Variants in AXDND1 observed in about 807,000 individuals in gnomAD.
AXDND1 encodes the protein axonemal dynein light chain domain-containing protein 1.
In AXDND1, 110 loss-of-function variants were observed where a neutral mutation model predicts 137.5. That is an observed-to-expected ratio of 0.80 (90% CI 0.69 to 0.94). The LOEUF is 0.94. Ranked by LOEUF, AXDND1 falls within the 40% of genes least tolerant of loss-of-function variation. The probability of loss-of-function intolerance (pLI) is 0.00; values close to 1 mark genes in which losing one functional copy is unlikely to be tolerated. For synonymous variants in AXDND1, 414 were observed against 399.7 expected (o/e 1.04, Z -0.43); for missense variants, 1,191 against 1,169.8 (o/e 1.02, Z -0.26).
Position 179,378,710 on chromosome 1 carries a change from T to G in AXDND1, c.448T>G (p.Leu150Val), listed in dbSNP as rs150327590. 123 of 1,596,514 alleles carry G rather than the reference T, an allele frequency of 7.7e-5. No individual in the cohort carries two copies. The highest frequency in any genetic ancestry group is 2.5e-5 in the Non-Finnish European group (29 of 1,170,128). Reference sequence around the variant, plus strand: ...GGAGAAGGCAGTTTGTCCCCCACATTTGGCCCGTTCATTACAGTCACATGA... The same window carrying G: ...GGAGAAGGCAGTTTGTCCCCCACATGTGGCCCGTTCATTACAGTCACATGA... ...TREKAVCPPH[L>V]ARSLQSHDGV... Residue 150 changes from leucine to valine, a missense_variant, in exon 5 of 26, where the codon TTG (leucine) becomes GTG (valine). By Grantham distance (32) the Leu-to-Val change is conservative. Coordinates refer to ENST00000367618, the MANE Select transcript of AXDND1 (RefSeq NM_144696.6).
At chr1:179,464,933 C>T (rs1473522050) in intron 16 of AXDND1, among the ~76,000 whole-genome samples, 2 of 152,140 alleles carry the variant, frequency 1.3e-5, no homozygotes, top group African/African-American at 4.8e-5. Flanking sequence ...GCATGCATCA[C>T]GTAGTTCTTA....
chr1:179,482,401 C>G (rs1237043417), intron 17 of AXDND1, among the ~76,000 whole-genome samples: 1 of 152,088 alleles, frequency 6.6e-6, no homozygotes. Flanking sequence ...AAGACAACCC[C>G]TACTTGTTAC....
intron 19 of AXDND1, 105 bp downstream of exon 19, chr1:179,491,842 A>G (rs971093509): frequency 1.0e-6 from 1 of 1,004,372 alleles, no homozygotes; most frequent in African/African-American, 1.7e-5. Context: ...AAAACCTTGA[A>G]AGAAATACTA....
At chr1:179,443,663 T>C (rs577188490) in intron 15 of AXDND1, among the ~76,000 whole-genome samples, 41 of 152,324 alleles carry the variant, frequency 2.7e-4, no homozygotes, top group Non-Finnish European at 3.4e-4. Context: ...TATTTTACTT[T>C]TGTGAGTAGC....
chr1:179,482,694 G>A (rs929621448), intron 17 of AXDND1, among the ~76,000 whole-genome samples: 3 of 151,792 alleles, frequency 2.0e-5, no homozygotes, highest in Non-Finnish European at 2.9e-5. Context: ...GCTTTAAGTG[G>A]TGTATTTAAA....
intron 21 of AXDND1, among the ~76,000 whole-genome samples, chr1:179,515,873 A>G (rs1355449754): frequency 1.3e-5 from 2 of 152,246 alleles, no homozygotes; most frequent in Admixed American, 6.5e-5. Flanking sequence ...ATAAGATAGC[A>G]GTCCCATAAG....
chr1:179,484,711 G>A (rs1665826709), intron 18 of AXDND1, among the ~76,000 whole-genome samples: 1 of 152,170 alleles, frequency 6.6e-6, no homozygotes, highest in Non-Finnish European at 1.5e-5. Context: ...TAGTGTGGTT[G>A]CATGTATTCA....
intron 6 of AXDND1, among the ~76,000 whole-genome samples, chr1:179,380,524 A>G (rs912651265): frequency 7.9e-5 from 12 of 152,154 alleles, no homozygotes; most frequent in Admixed American, 1.3e-4. Context: ...TTGCAGACTC[A>G]TTATCTTGTC....
intron 21 of AXDND1, among the ~76,000 whole-genome samples, chr1:179,524,586 TA>T (rs1466421636): frequency 6.6e-6 from 1 of 152,216 alleles, no homozygotes; most frequent in Non-Finnish European, 1.5e-5. Context: ...GTCATCTCTC[TA>T]GTGGTCTAAA....
chr1:179,553,997 C>T (rs1673701995), intron 25 of AXDND1, among the ~76,000 whole-genome samples: 1 of 150,764 alleles, frequency 6.6e-6, no homozygotes, highest in Non-Finnish European at 1.5e-5. Flanking sequence ...ACTGAAACCT[C>T]TGCCTCTCGG....
At chr1:179,399,372 C>A (rs751010289) in intron 11 of AXDND1, among the ~76,000 whole-genome samples, 1 of 152,108 alleles carries the variant, frequency 6.6e-6, no homozygotes, top group Non-Finnish European at 1.5e-5. Flanking sequence ...ATTGGCTAAC[C>A]GCATGTAGGA....
chr1:179,448,455 C>A, intron 16 of AXDND1: 2 of 508,870 alleles, frequency 3.9e-6, no homozygotes, highest in South Asian at 4.2e-5. Context: ...AGCCACCTTT[C>A]CTTATTTCCT....
chr1:179,480,678 G>T (rs1037792431), intron 17 of AXDND1, among the ~76,000 whole-genome samples: 2 of 151,840 alleles, frequency 1.3e-5, no homozygotes, highest in Admixed American at 6.6e-5. Flanking sequence ...TTTGGTTTTT[G>T]GATACTGGAC....
At chr1:179,518,859 T>G (rs1170325832) in intron 21 of AXDND1, among the ~76,000 whole-genome samples, 1 of 152,236 alleles carries the variant, frequency 6.6e-6, no homozygotes, top group Non-Finnish European at 1.5e-5. Context: ...TATGCATGCA[T>G]GTGTCTTTAT....
chr1:179,487,815 G>C (rs1360579553), intron 18 of AXDND1, among the ~76,000 whole-genome samples: 1 of 147,826 alleles, frequency 6.8e-6, no homozygotes, highest in Non-Finnish European at 1.5e-5. Flanking sequence ...GGTCAACACA[G>C]TGAGAACTCA....
At chr1:179,380,306 A>C (rs1404206579) in intron 6 of AXDND1, among the ~76,000 whole-genome samples, 1 of 134,062 alleles carries the variant, frequency 7.5e-6, no homozygotes, top group Admixed American at 7.8e-5. Flanking sequence ...TAAAAACTAA[A>C]AGTACTTAAA....
intron 25 of AXDND1, among the ~76,000 whole-genome samples, chr1:179,537,649 A>G (rs1022948015): frequency 2.0e-5 from 3 of 152,166 alleles, no homozygotes; most frequent in Non-Finnish European, 4.4e-5. Context: ...TTGGTCAAAA[A>G]TTCTCTTTTT....
intron 16 of AXDND1, among the ~76,000 whole-genome samples, chr1:179,460,934 G>A (rs931063489): frequency 6.6e-6 from 1 of 152,070 alleles, no homozygotes; most frequent in African/African-American, 2.4e-5. Flanking sequence ...TAAGTTCTTT[G>A]TGGACTCTGA....
At chr1:179,431,613 A>C (rs1428008840) in intron 14 of AXDND1, among the ~76,000 whole-genome samples, 1 of 149,498 alleles carries the variant, frequency 6.7e-6, no homozygotes, top group African/African-American at 2.5e-5. Context: ...TAGCATTTCC[A>C]TTTCAAATTG....
Sources: gnomAD v4.1 joint callset for allele counts (sites outside exome capture counted in the v4.1 genomes callset) on GRCh38, gnomAD v4.1.1 for gene constraint, MANE v1.5 for transcripts, NCBI Gene and HGNC (gene_info 2026-07-23, HGNC 2026-07-21) for gene names.